The following TMED3 variants were observed in gnomAD, a reference collection of about 807,000 sequenced individuals.
TMED3 encodes the protein transmembrane p24 trafficking protein 3.
TMED3 carries 9 observed loss-of-function variants against 15.0 expected under a neutral mutation model. That is an observed-to-expected ratio of 0.60 (90% CI 0.36 to 1.04). TMED3 has a LOEUF of 1.04. Among genes scored for constraint, TMED3 ranks in the 50% least tolerant of loss-of-function variants. The pLI is 0.01. For missense variants in TMED3, 267 were observed against 278.9 expected (o/e 0.96, Z 0.30); for synonymous variants, 117 against 121.4 (o/e 0.96, Z 0.24).
chr15:79,367,123 T>A (rs149115204), intron 2 of TMED3, among the ~76,000 whole-genome samples: 6 of 152,264 alleles, frequency 3.9e-5, no homozygotes, highest in African/African-American at 9.6e-5. Flanking sequence ...TCTTTCCGGG[T>A]GAAGGATTTA....
intron 2 of TMED3, among the ~76,000 whole-genome samples, chr15:79,328,636 A>T (rs537473266): frequency 6.6e-6 from 1 of 152,248 alleles, no homozygotes; most frequent in South Asian, 2.1e-4. Flanking sequence ...ATAAGTTACA[A>T]AGACCCCATG....
At chr15:79,400,835 A>G (rs746444971) in intron 2 of TMED3, among the ~76,000 whole-genome samples, 2 of 152,216 alleles carry the variant, frequency 1.3e-5, no homozygotes, top group Non-Finnish European at 2.9e-5. Context: ...CAACGTAACA[A>G]ACTGTCAGAA....
At chr15:79,399,054 G>A (rs981821837) in intron 2 of TMED3, among the ~76,000 whole-genome samples, 5 of 152,130 alleles carry the variant, frequency 3.3e-5, no homozygotes, top group Admixed American at 1.3e-4. Flanking sequence ...GGAATTACAG[G>A]TGCATGCCAC....
At chr15:79,394,607 A>G (rs1435031754) in intron 2 of TMED3, among the ~76,000 whole-genome samples, 3 of 152,258 alleles carry the variant, frequency 2.0e-5, no homozygotes, top group African/African-American at 4.8e-5. Flanking sequence ...TATAGGTCCC[A>G]TAGATTCAGC....
intron 2 of TMED3, among the ~76,000 whole-genome samples, chr15:79,353,764 A>T (rs929613331): frequency 1.6e-5 from 2 of 124,874 alleles, no homozygotes; most frequent in Non-Finnish European, 3.6e-5. Flanking sequence ...TTGTGTTATT[A>T]AAAAAAACCT....
At chr15:79,369,044 A>G (rs1176016042) in intron 2 of TMED3, among the ~76,000 whole-genome samples, 1 of 151,402 alleles carries the variant, frequency 6.6e-6, no homozygotes, top group Non-Finnish European at 1.5e-5. Flanking sequence ...CAGTGAGCCG[A>G]GATCGCACCA....
At chr15:79,382,859 A>ATC (rs1185208327) in intron 2 of TMED3, 1 of 1,041,752 alleles carries the variant, frequency 9.6e-7, no homozygotes, top group South Asian at 1.4e-5. Context: ...CTTTTATATT[A>ATC]TCTTTCATGG....
chr15:79,317,668 T>C (rs1183551499), intron 2 of TMED3, among the ~76,000 whole-genome samples: 1 of 152,238 alleles, frequency 6.6e-6, no homozygotes, highest in African/African-American at 2.4e-5. Context: ...GATACATACA[T>C]GTATACACTT....
In TMED3 at chr15:79,400,571, A is replaced by G. The variant is rs138201992; in HGVS notation, c.418-10829A>G. Among the ~76,000 whole-genome samples the G allele has an allele frequency of 3.2e-4, 49 of 152,372 alleles. 1 individual carries two copies. The East Asian group carries it at 9.5e-3, about 29-fold the overall frequency. The stretch of plus-strand genomic sequence containing the variant: ...AGTTGATTAGAGCCTTCTCGTTATC[A>G]TTACTGTTAGAATGTTCACTATTAC... On this transcript the variant is annotated intron_variant, in intron 2 of 2. Transcript: ENST00000424155.
chr15:79,332,813 T>C (rs1392440399), intron 2 of TMED3, among the ~76,000 whole-genome samples: 1 of 152,230 alleles, frequency 6.6e-6, no homozygotes, highest in Non-Finnish European at 1.5e-5. Flanking sequence ...TTATGATGTA[T>C]TCTGGGCTTC....
chr15:79,377,074 G>A (rs1893438156), intron 2 of TMED3, among the ~76,000 whole-genome samples: 1 of 152,138 alleles, frequency 6.6e-6, no homozygotes, highest in Non-Finnish European at 1.5e-5. Flanking sequence ...AGAGATTACA[G>A]GTATTACAGG....
chr15:79,353,203 ATAT>A (rs2058901588), intron 2 of TMED3, among the ~76,000 whole-genome samples: 32 of 68,488 alleles, frequency 4.7e-4, no homozygotes, highest in Non-Finnish European at 6.6e-4. Context: ...AATATATAAA[ATAT>A]ATATTATATA....
chr15:79,320,012 C>T (rs921755079), intron 2 of TMED3, among the ~76,000 whole-genome samples: 4 of 152,154 alleles, frequency 2.6e-5, no homozygotes, highest in South Asian at 2.1e-4. Flanking sequence ...TCAGGCCCTC[C>T]ACAAGAGGTG....
intron 2 of TMED3, among the ~76,000 whole-genome samples, chr15:79,351,635 A>G (rs1262127701): frequency 6.6e-5 from 10 of 152,190 alleles, no homozygotes; most frequent in Non-Finnish European, 5.9e-5. Context: ...GGAAACGTAA[A>G]CTAGTGCAAC....
chr15:79,357,139 C>A (rs1166015613), intron 2 of TMED3, among the ~76,000 whole-genome samples: 1 of 152,060 alleles, frequency 6.6e-6, no homozygotes, highest in Non-Finnish European at 1.5e-5. Context: ...ATAGCTAATA[C>A]TTCTGGAGAA....
Position 79,411,092 on chromosome 15 carries a change from C to T in TMED3, c.418-308C>T, listed in dbSNP as rs1027671595. The stretch of plus-strand genomic sequence containing the variant: ...ATTTTATTTAATCACTTAAGGTATG[C>T]GGGAAGAAATAGTTGCAGAGATATT... On this transcript the variant is annotated intron_variant, in intron 2 of 2. Coordinates refer to the TMED3 transcript ENST00000424155. 3.9e-5 allele frequency among the ~76,000 whole-genome samples: 6 copies of T among 152,022 alleles called. No individual in the cohort carries two copies. The East Asian group carries it at 7.7e-4, about 20-fold the overall frequency.
At chr15:79,316,057 C>T (rs1055370386) in intron 2 of TMED3, 4 of 152,262 alleles carry the variant, frequency 2.6e-5, no homozygotes, top group Non-Finnish European at 5.9e-5. Flanking sequence ...TCATTCTTCT[C>T]GCCAGCGCTT....
At chr15:79,385,303 G>A (rs1053946870) in intron 2 of TMED3, among the ~76,000 whole-genome samples, 1 of 152,172 alleles carries the variant, frequency 6.6e-6, no homozygotes, top group Non-Finnish European at 1.5e-5. Context: ...ACTCAGGCAA[G>A]GTGAGAGGTC....
chr15:79,387,127 G>A (rs1273969391), intron 2 of TMED3, among the ~76,000 whole-genome samples: 2 of 151,828 alleles, frequency 1.3e-5, no homozygotes, highest in African/African-American at 2.4e-5. Flanking sequence ...AACATTCTCT[G>A]CCCCCAAATT....
Sources: allele counts gnomAD v4.1 joint callset (sites outside exome capture counted in the v4.1 genomes callset), GRCh38; gene constraint gnomAD v4.1.1; transcripts MANE v1.5; gene names NCBI Gene and HGNC (gene_info 2026-07-23, HGNC 2026-07-21).